The following AGBL5 variants were observed in gnomAD, a reference collection of about 807,000 sequenced individuals.
AGBL5 encodes the protein cytosolic carboxypeptidase-like protein 5.
In AGBL5, 51 loss-of-function variants were observed where a neutral mutation model predicts 88.0. The observed-to-expected ratio is 0.58, with a 90% CI of 0.46 to 0.73. The LOEUF (loss-of-function observed/expected upper bound fraction) is 0.73, where lower values mean the gene tolerates loss of function less well. AGBL5 is among the 30% of genes least tolerant of loss of function. AGBL5 has a pLI of 0.00. For missense variants in AGBL5, 1,031 were observed against 1,162.2 expected, an observed-to-expected ratio of 0.89 and a Z score of 1.64; for synonymous variants, 446 against 438.8, an observed-to-expected ratio of 1.02 and a Z score of -0.21.
At chr2:27,061,606 G>A (rs1480996039) in intron 11 of AGBL5, 1 of 152,132 alleles carries the variant, frequency 6.6e-6, no homozygotes, top group Non-Finnish European at 1.5e-5. Context: ...GACCTCAGGT[G>A]ATCCACCAGC....
At chr2:27,054,130 G>A in intron 4 of AGBL5, 71 bp downstream of exon 4, 1 of 1,493,968 alleles carries the variant, frequency 6.7e-7, no homozygotes, top group Non-Finnish European at 9.0e-7. Flanking sequence ...TCTGGAATTT[G>A]CTCTTAGAGC....
rs963616530 is a variant in AGBL5, at chr2:27,053,636, G to GT, written c.387+72dup. On this transcript the variant is annotated intron_variant, in intron 3 of 14. Transcript: ENST00000360131. This position sits in a 1 kb window ranked among gnomAD's most constrained non-coding sequence, Gnocchi z 4.9. ...CTAAAAGTAGAGAGGAAAGTAAAGC[G>GT]TTTTTTTTTCCTTGATACAAGTATG... The GT allele has an allele frequency of 7.7e-4, 1,165 of 1,508,882 alleles. No homozygotes were observed. Among genetic ancestry groups the GT allele is most frequent in the South Asian group, 1.3e-3 (98 of 77,916 alleles). The allele number at this position is 1,508,882 out of a possible 1,614,324, so 93.5% of individuals were successfully genotyped here. A position where few individuals can be genotyped will look rare whatever the true frequency, so the allele number is the denominator to read the frequency against.
At chr2:27,050,953 C>T (rs1167519064), upstream of AGBL5, 3 of 152,224 alleles carry the variant, frequency 2.0e-5, no homozygotes, top group Admixed American at 1.3e-4. Flanking sequence ...ACTTAGCATT[C>T]GTACTGCCGT....
Position 27,053,430 on chromosome 2 carries a change from G to A in AGBL5, c.244G>A (p.Gly82Arg). 2 of 1,614,084 alleles carry A rather than the reference G, an allele frequency of 1.2e-6. No individual in the cohort carries two copies. The highest frequency in any genetic ancestry group is 1.7e-6 in the Non-Finnish European group (2 of 1,180,032). Residue 82 changes from glycine to arginine, a missense_variant, in exon 3 of 15, where the codon GGA (glycine) becomes AGA (arginine). Physicochemically the swap from Gly to Arg is moderately radical, Grantham distance 125. Around this residue, in one of 2 missense-constraint regions of AGBL5, gnomAD observed 540 missense variants for 678.2 expected, o/e 0.80. Coordinates refer to ENST00000360131, the MANE Select transcript of AGBL5 (RefSeq NM_021831.6). This position sits in a 1 kb window ranked among gnomAD's most constrained non-coding sequence, Gnocchi z 4.9. ...RSWFYFSVRG[G>R]MPGKLIKINI... ...ATGGTTCTACTTCAGCGTCCGGGGA[G>A]GAATGCCAGGAAAACTCATCAAGAT... is the stretch of plus-strand genomic sequence containing the variant.
chr2:27,069,089 C>G, intron 13 of AGBL5: 1 of 1,346,994 alleles, frequency 7.4e-7, no homozygotes, highest in South Asian at 1.2e-5. Context: ...GTCCCGGATT[C>G]CCCAGGTAAC....
At chr2:27,060,285 G>A (rs899248689) in intron 11 of AGBL5, among the ~76,000 whole-genome samples, 1 of 152,206 alleles carries the variant, frequency 6.6e-6, no homozygotes, top group African/African-American at 2.4e-5. Context: ...TTGCTTAACT[G>A]TGCATTAGTA....
At chr2:27,057,831 T>C (rs540657483) in intron 9 of AGBL5, among the ~76,000 whole-genome samples, 8 of 152,290 alleles carry the variant, frequency 5.3e-5, no homozygotes, top group Admixed American at 3.9e-4. Context: ...ATCCCAGCAC[T>C]TTGGGAGGCC....
intron 10 of AGBL5, among the ~76,000 whole-genome samples, chr2:27,058,933 C>T (rs1668574165): frequency 6.6e-6 from 1 of 152,178 alleles, no homozygotes; most frequent in Admixed American, 6.5e-5. Context: ...GTTCAAGGGT[C>T]AGTGCCAAGG....
At chr2:27,054,851 GC>G (rs1668350349) in intron 5 of AGBL5, 44 bp downstream of exon 5, 9 of 1,590,980 alleles carry the variant, frequency 5.7e-6, no homozygotes, top group Admixed American at 1.7e-5. Flanking sequence ...CTTTTCTCTA[GC>G]ACCAGGTACT....
Position 27,052,901 on chromosome 2 carries a change from GT to G in AGBL5, c.-46-8del, listed in dbSNP as rs1221445790. On this transcript the variant is annotated splice_polypyrimidine_tract_variant and intron_variant, in intron 1 of 14. Transcript: ENST00000360131. Reference sequence around the variant, plus strand: ...CCCTTTCCTCCTTAACCTAACCCTTGTTTTCCCCCAGCTCTCAGGGCCAGAG... The same window carrying G: ...CCCTTTCCTCCTTAACCTAACCCTTGTTTCCCCCAGCTCTCAGGGCCAGAG... 3 of 1,458,070 alleles carry G rather than the reference GT, an allele frequency of 2.1e-6. No homozygotes were observed. Among genetic ancestry groups the G allele is most frequent in the Admixed American group, 4.8e-5 (2 of 42,004 alleles). The allele number at this position is 1,458,070 out of a possible 1,614,324, so 90.3% of individuals were successfully genotyped here.
Position 27,053,253 on chromosome 2 carries a change from C to T in AGBL5, c.215+80C>T, listed in dbSNP as rs1668265355. On this transcript the variant is annotated intron_variant, in intron 2 of 14. Coordinates refer to ENST00000360131, the MANE Select transcript of AGBL5 (RefSeq NM_021831.6). The surrounding 1 kb of genome is among the most constrained non-coding windows in gnomAD (Gnocchi z 4.9). ...GCCCTCTGACTTATCTGTTCATACC[C>T]AGCATACTCCCTGTCCATTTCTGAC... 1 of 1,517,554 alleles carries T rather than the reference C, an allele frequency of 6.6e-7. No homozygotes were observed. Among genetic ancestry groups the T allele is most frequent in the Non-Finnish European group, 8.9e-7 (1 of 1,120,688 alleles). The allele number at this position is 1,517,554 out of a possible 1,614,324, so 94.0% of individuals were successfully genotyped here.
At chr2:27,068,437 G>A (rs1669101672) in intron 12 of AGBL5, among the ~76,000 whole-genome samples, 195 bp from the exon 13 acceptor site, 1 of 152,142 alleles carries the variant, frequency 6.6e-6, no homozygotes, top group South Asian at 2.1e-4. Context: ...GGAGGGGGGA[G>A]ATGAGGAAAC....
intron 11 of AGBL5, chr2:27,059,664 G>A (rs1668615408): frequency 2.8e-6 from 2 of 707,876 alleles, no homozygotes; most frequent in Admixed American, 3.1e-5. Flanking sequence ...AGTTTCCAAG[G>A]ATGAAACACT....
intron 1 of AGBL5, 42 bp from the exon 2 acceptor site, chr2:27,052,871 G>T: frequency 1.6e-6 from 2 of 1,223,188 alleles, no homozygotes; most frequent in Non-Finnish European, 2.2e-6. Context: ...TCTTCGATTT[G>T]TCTTCCCTTT....
intron 4 of AGBL5, chr2:27,054,380 C>A: frequency 1.8e-6 from 1 of 555,700 alleles, no homozygotes; most frequent in African/African-American, 1.9e-5. Flanking sequence ...AGAACAACTC[C>A]GACTACATTA....
chr2:27,053,879 C>T lies in AGBL5; in HGVS notation c.388-17C>T. 1 of 1,604,300 alleles carries T rather than the reference C, an allele frequency of 6.2e-7. No homozygotes were observed. The highest frequency in any genetic ancestry group is 8.5e-7 in the Non-Finnish European group (1 of 1,173,116). The stretch of plus-strand genomic sequence containing the variant: ...CAATGGCATGTTGCCCCTCCCTCTT[C>T]CTCCTCTGCTCTTCAGATGACAGAG... On this transcript the variant is annotated splice_polypyrimidine_tract_variant and intron_variant, in intron 3 of 14. Coordinates refer to ENST00000360131, the MANE Select transcript of AGBL5 (RefSeq NM_021831.6). The surrounding 1 kb of genome is among the most constrained non-coding windows in gnomAD (Gnocchi z 4.9).
At chr2:27,064,722 ATTTT>A (rs753038634) in intron 11 of AGBL5, among the ~76,000 whole-genome samples, 1 of 80,488 alleles carries the variant, frequency 1.2e-5, no homozygotes, top group African/African-American at 4.7e-5. Context: ...TTTCCATTCA[ATTTT>A]TTTTTTTTCC....
chr2:27,054,608 C>T (rs777713373), intron 4 of AGBL5, 22 bp from the exon 5 acceptor site: 2 of 1,604,796 alleles, frequency 1.2e-6, no homozygotes, highest in Non-Finnish European at 1.7e-6. Context: ...CTTCTCCTGG[C>T]TTAATTTTTT....
At chr2:27,057,068 A>T in intron 8 of AGBL5, 5 of 556,148 alleles carry the variant, frequency 9.0e-6, no homozygotes, top group Middle Eastern at 4.7e-4. Context: ...TCTTCTTAAA[A>T]GAGAACCTCA....
Sources: allele counts gnomAD v4.1 joint callset (sites outside exome capture counted in the v4.1 genomes callset), GRCh38; gene constraint gnomAD v4.1.1; regional missense constraint gnomAD v4.1.1; non-coding constraint Gnocchi (gnomAD v3.1); transcripts MANE v1.5; gene names NCBI Gene and HGNC (gene_info 2026-07-23, HGNC 2026-07-21).